Variants in LMO7 observed in about 807,000 individuals in gnomAD.
LMO7 encodes LIM domain only protein 7.
A neutral mutation model predicts 206.5 loss-of-function variants in LMO7; 120 were observed. The ratio of observed to expected loss-of-function variants is 0.58; its 90% CI spans 0.50 to 0.68. The LOEUF is 0.68. Among genes scored for constraint, LMO7 ranks in the 30% least tolerant of loss-of-function variants. The pLI is 0.00. For synonymous variants in LMO7, 706 were observed against 681.5 expected (o/e 1.04, Z -0.56); for missense variants, 1,959 against 1,957.9 (o/e 1.00, Z -0.01).
chr13:75,833,256 A>G lies in LMO7; in HGVS notation c.3064+91A>G. On this transcript the variant is annotated intron_variant, in intron 16 of 30. Coordinates refer to ENST00000377534, the MANE Select transcript of LMO7 (RefSeq NM_001306080.2). The stretch of plus-strand genomic sequence containing the variant: ...GACCACAGAAATTAGTGTATTTGAT[A>G]TAGGAGGAGAAAACGTGAAAAATGC... 3.9e-6 allele frequency: 3 copies of G among 771,418 alleles called. No homozygotes were observed. The Admixed American group carries it at 6.0e-5, about 15-fold the overall frequency. The allele number at this position is 771,418 out of a possible 1,614,324, so 47.8% of individuals were successfully genotyped here.
At chr13:75,723,974 T>C (rs2044247462) in intron 2 of LMO7, among the ~76,000 whole-genome samples, 2 of 152,058 alleles carry the variant, frequency 1.3e-5, no homozygotes, top group Non-Finnish European at 2.9e-5. Flanking sequence ...CTGCAACCTC[T>C]TGTTGTGGAA....
intron 3 of LMO7, among the ~76,000 whole-genome samples, chr13:75,731,147 G>T (rs962446857): frequency 2.6e-5 from 4 of 152,194 alleles, no homozygotes; most frequent in African/African-American, 9.6e-5. Context: ...TATTAGGTCC[G>T]CCTGGTGCAG....
rs777011142 is a variant in LMO7, at chr13:75,796,627, T to A, written c.349-9T>A. 19 of 1,566,526 alleles carry A rather than the reference T, an allele frequency of 1.2e-5. No individual in the cohort carries two copies. In the Middle Eastern group the frequency reaches 1.0e-3, roughly 83 times the overall value. ...GATCTTGTTGTTCATGGATTTTTTT[T>A]TTTTTAAGGTTTTGATAACATTGTA... is the stretch of plus-strand genomic sequence containing the variant. On this transcript the variant is annotated splice_polypyrimidine_tract_variant and intron_variant, in intron 5 of 30. Transcript: ENST00000377534.
At chr13:75,831,454 C>T (rs984641843) in intron 15 of LMO7, among the ~76,000 whole-genome samples, 3 of 152,128 alleles carry the variant, frequency 2.0e-5, no homozygotes, top group African/African-American at 7.2e-5. Context: ...CCTTCAAATT[C>T]TTGTGTACTC....
intron 1 of LMO7, among the ~76,000 whole-genome samples, chr13:75,677,015 T>A (rs959166887): frequency 2.6e-5 from 4 of 152,166 alleles, no homozygotes; most frequent in African/African-American, 7.2e-5. Flanking sequence ...TTTTCTTTTT[T>A]AAAAAAAGGC....
chr13:75,683,615 ATC>A (rs1455729058), intron 1 of LMO7, among the ~76,000 whole-genome samples: 1 of 152,218 alleles, frequency 6.6e-6, no homozygotes, highest in Non-Finnish European at 1.5e-5. Flanking sequence ...ACCCAATAGT[ATC>A]TGAGACAGGT....
chr13:75,723,017 G>T (rs1249929563), intron 2 of LMO7, among the ~76,000 whole-genome samples: 1 of 152,082 alleles, frequency 6.6e-6, no homozygotes, highest in Non-Finnish European at 1.5e-5. Flanking sequence ...GGACTCGGGG[G>T]AAAGAGTGGG....
intron 2 of LMO7, among the ~76,000 whole-genome samples, chr13:75,625,215 A>G (rs1193914409): frequency 1.3e-5 from 2 of 152,224 alleles, no homozygotes; most frequent in African/African-American, 2.4e-5. Context: ...TGTCTAGCAA[A>G]GAATTTCTCT....
intron 8 of LMO7, 38 bp from the exon 9 acceptor site, chr13:75,805,441 C>T (rs1212419339): frequency 1.9e-6 from 3 of 1,591,328 alleles, no homozygotes; most frequent in Non-Finnish European, 2.6e-6. Flanking sequence ...GTCACAAATG[C>T]TCATACAGTG....
chr13:75,853,125 A>T lies in LMO7; in HGVS notation c.4398A>T (p.Arg1466=). Residue 1466 remains arginine (R), a synonymous_variant, in exon 28 of 31, where the codon CGA becomes CGT. Transcript: ENST00000377534. ...GESLDNLDSP[R]SNSWRQPPWL... is the part of the protein sequence containing the mutation. ...CTTTAGATAACCTGGACTCCCCCCG[A>T]TCCAATTCTTGGAGACAGCCTCCTT... 1 of 1,612,814 alleles carries T rather than the reference A, an allele frequency of 6.2e-7. No homozygotes were observed. Among genetic ancestry groups the T allele is most frequent in the Non-Finnish European group, 8.5e-7 (1 of 1,179,274 alleles).
intron 4 of LMO7, among the ~76,000 whole-genome samples, chr13:75,780,505 A>G (rs2051165031): frequency 6.6e-6 from 1 of 152,196 alleles, no homozygotes; most frequent in South Asian, 2.1e-4. Context: ...TTCCCTGAAC[A>G]TCGCTGTTAT....
chr13:75,832,583 T>C (rs1213092931), intron 15 of LMO7, among the ~76,000 whole-genome samples: 1 of 152,204 alleles, frequency 6.6e-6, no homozygotes, highest in African/African-American at 2.4e-5. Context: ...TGGATGCCAC[T>C]GGAGGCTAAA....
chr13:75,731,589 C>A (rs571702021), intron 3 of LMO7, among the ~76,000 whole-genome samples: 1 of 152,054 alleles, frequency 6.6e-6, no homozygotes, highest in East Asian at 1.9e-4. Flanking sequence ...ATCCAATTTG[C>A]CAGTCTGTGT....
intron 24 of LMO7, among the ~76,000 whole-genome samples, chr13:75,842,459 G>A (rs545045042): frequency 1.3e-5 from 2 of 152,074 alleles, no homozygotes; most frequent in African/African-American, 2.4e-5. Context: ...TAAAATACAG[G>A]CCCCTTCTCA....
intron 2 of LMO7, among the ~76,000 whole-genome samples, chr13:75,719,955 C>T: frequency 6.6e-6 from 1 of 152,210 alleles, no homozygotes; most frequent in Admixed American, 6.5e-5. Context: ...GCATTTCTAC[C>T]AGCAGAGAAT....
intron 3 of LMO7, among the ~76,000 whole-genome samples, chr13:75,738,796 T>C (rs1566373805): frequency 6.6e-6 from 1 of 152,224 alleles, no homozygotes; most frequent in African/African-American, 2.4e-5. Context: ...GAATAATGTT[T>C]ACCATCTGAT....
In LMO7 at chr13:75,636,440, T is replaced by A. The variant is rs2035861227; in HGVS notation, c.-218T>A. The A allele has an allele frequency of 7.2e-7, 1 of 1,397,268 alleles. No individual in the cohort carries two copies. Among genetic ancestry groups the A allele is most frequent in the Non-Finnish European group, 9.3e-7 (1 of 1,079,748 alleles). The allele number at this position is 1,397,268 out of a possible 1,614,324, so 86.6% of individuals were successfully genotyped here. A position where few individuals can be genotyped will look rare whatever the true frequency, so the allele number is the denominator to read the frequency against. On this transcript the variant is annotated 5_prime_UTR_variant, in exon 1 of 31. Transcript: ENST00000377534. Reference sequence around the variant, plus strand: ...GGGCCTTGGGTCGCTTTCAGGAGTTTAGAGAAAGCCAGGTCTTCACGTTCG... The same window carrying A: ...GGGCCTTGGGTCGCTTTCAGGAGTTAAGAGAAAGCCAGGTCTTCACGTTCG...
intron 4 of LMO7, among the ~76,000 whole-genome samples, chr13:75,775,538 A>G (rs2050261507): frequency 6.6e-6 from 1 of 152,142 alleles, no homozygotes; most frequent in Admixed American, 6.6e-5. Flanking sequence ...TGTATAATCT[A>G]AAAAATGGGA....
intron 4 of LMO7, among the ~76,000 whole-genome samples, chr13:75,778,400 T>C (rs1408592229): frequency 2.0e-5 from 3 of 152,030 alleles, no homozygotes; most frequent in Admixed American, 6.5e-5. Context: ...GCCTGGCTAA[T>C]TTTTTGTATT....
Sources: allele counts gnomAD v4.1 joint callset (sites outside exome capture counted in the v4.1 genomes callset), GRCh38; gene constraint gnomAD v4.1.1; transcripts MANE v1.5; gene names NCBI Gene and HGNC (gene_info 2026-07-23, HGNC 2026-07-21).